GPC6: variants seen among roughly 807,000 people sequenced by gnomAD.
GPC6 encodes glypican-6.
A neutral mutation model predicts 55.2 loss-of-function variants in GPC6; 14 were observed. That is an observed-to-expected ratio of 0.25 (90% CI 0.17 to 0.40). The LOEUF (loss-of-function observed/expected upper bound fraction) is 0.40, where lower values mean the gene tolerates loss of function less well. Ranked by LOEUF, GPC6 falls within the 10% of genes least tolerant of loss-of-function variation. GPC6 has a pLI of 1.00. For synonymous variants in GPC6, 278 were observed against 259.6 expected, an observed-to-expected ratio of 1.07 and a Z score of -0.68; for missense variants, 641 against 708.5, an observed-to-expected ratio of 0.90 and a Z score of 1.08.
intron 1 of GPC6, among the ~76,000 whole-genome samples, chr13:93,484,080 A>G: frequency 6.6e-6 from 1 of 152,008 alleles, no homozygotes; most frequent in East Asian, 1.9e-4. Flanking sequence ...AAAAGTATTA[A>G]AATTTTGTAA....
intron 4 of GPC6, among the ~76,000 whole-genome samples, chr13:94,278,679 A>T (rs1430334499): frequency 6.6e-6 from 1 of 152,118 alleles, no homozygotes; most frequent in Non-Finnish European, 1.5e-5. Flanking sequence ...CTTTTTCTAC[A>T]TTTATTGAGA....
intron 3 of GPC6, among the ~76,000 whole-genome samples, chr13:93,905,613 A>G (rs2140330944): frequency 6.6e-6 from 1 of 152,372 alleles, no homozygotes; most frequent in East Asian, 1.9e-4. Context: ...TCAGGAGGAT[A>G]GAAGCTAATT....
intron 6 of GPC6, among the ~76,000 whole-genome samples, chr13:94,372,903 A>AC (rs1159819165): frequency 6.6e-6 from 1 of 151,550 alleles, no homozygotes; most frequent in African/African-American, 2.4e-5. Context: ...TGGGTCCCTG[A>AC]CCCCTGACCC....
chr13:93,314,913 G>GT (rs915391215), intron 1 of GPC6, among the ~76,000 whole-genome samples: 3 of 152,050 alleles, frequency 2.0e-5, no homozygotes, highest in Admixed American at 6.6e-5. Flanking sequence ...TTGTTTGTTT[G>GT]TTTTTTGGTA....
chr13:93,929,015 G>A (rs1878012605), intron 3 of GPC6, among the ~76,000 whole-genome samples: 1 of 152,152 alleles, frequency 6.6e-6, no homozygotes, highest in Non-Finnish European at 1.5e-5. Context: ...TGCCAGCAAA[G>A]CTTTCACAAG....
intron 1 of GPC6, among the ~76,000 whole-genome samples, chr13:93,239,535 C>T (rs1343184350): frequency 4.0e-5 from 6 of 151,596 alleles, no homozygotes; most frequent in South Asian, 2.1e-4. Flanking sequence ...TATTGTTTTC[C>T]TGGTTAATCT....
At chr13:93,398,692 CT>C (rs760246345) in intron 1 of GPC6, among the ~76,000 whole-genome samples, 18 of 152,144 alleles carry the variant, frequency 1.2e-4, no homozygotes, top group Admixed American at 1.1e-3. Context: ...ATGCCAGATA[CT>C]TGACATGAAT....
At chr13:93,796,908 C>A (rs1886212869) in intron 2 of GPC6, among the ~76,000 whole-genome samples, 3 of 70,974 alleles carry the variant, frequency 4.2e-5, no homozygotes, top group Non-Finnish European at 8.6e-5. Context: ...TGATGCACAC[C>A]AGTTTCATCC....
intron 1 of GPC6, among the ~76,000 whole-genome samples, chr13:93,507,250 A>C (rs1020761920): frequency 2.0e-5 from 3 of 152,070 alleles, no homozygotes; most frequent in African/African-American, 7.2e-5. Flanking sequence ...AATTAATCAG[A>C]CTTAATAGAT....
chr13:93,970,651 G>C (rs755346697), intron 3 of GPC6, among the ~76,000 whole-genome samples: 51 of 152,174 alleles, frequency 3.4e-4, no homozygotes, highest in Non-Finnish European at 6.2e-4. Context: ...GGTCACTCAT[G>C]TTTATCACCC....
intron 2 of GPC6, among the ~76,000 whole-genome samples, chr13:93,768,842 G>T (rs1459350976): frequency 6.6e-6 from 1 of 151,928 alleles, no homozygotes; most frequent in Admixed American, 6.6e-5. Flanking sequence ...CCTCTTTGGG[G>T]GTCATTTATT....
At chr13:93,314,712 G>GGT (rs370613459) in intron 1 of GPC6, among the ~76,000 whole-genome samples, 3,798 of 147,472 alleles carry the variant, frequency 0.026, 47 homozygotes, top group South Asian at 0.033. Flanking sequence ...AACAAGGAGG[G>GGT]GTGTGTGTGT....
chr13:94,239,498 T>G (rs1489271637), intron 4 of GPC6, among the ~76,000 whole-genome samples: 1 of 152,178 alleles, frequency 6.6e-6, no homozygotes, highest in East Asian at 1.9e-4. Flanking sequence ...AGATGATTCT[T>G]GGAATGATTT....
intron 2 of GPC6, among the ~76,000 whole-genome samples, chr13:93,780,791 C>T (rs1885617981): frequency 6.6e-6 from 1 of 151,964 alleles, no homozygotes; most frequent in African/African-American, 2.4e-5. Context: ...CTTTATGTTT[C>T]TTCATATTTA....
At chr13:93,329,784 T>C (rs1168169121) in intron 1 of GPC6, among the ~76,000 whole-genome samples, 2 of 152,080 alleles carry the variant, frequency 1.3e-5, no homozygotes, top group African/African-American at 2.4e-5. Flanking sequence ...CATGGTCTGT[T>C]TTTTTCCTTT....
At chr13:93,855,389 C>A (rs1201075028) in intron 3 of GPC6, among the ~76,000 whole-genome samples, 1 of 151,504 alleles carries the variant, frequency 6.6e-6, no homozygotes, top group Non-Finnish European at 1.5e-5. Context: ...AATAATATTC[C>A]ATTATCTGGG....
intron 1 of GPC6, among the ~76,000 whole-genome samples, chr13:93,413,912 G>A (rs1456083829): frequency 6.6e-6 from 1 of 152,122 alleles, no homozygotes; most frequent in Non-Finnish European, 1.5e-5. Context: ...TAAAAATCAA[G>A]TTAGTTTAGG....
chr13:94,018,161 C>T (rs1057332922), intron 3 of GPC6, among the ~76,000 whole-genome samples: 2 of 152,080 alleles, frequency 1.3e-5, no homozygotes, highest in African/African-American at 4.8e-5. Flanking sequence ...TTCTTTTCTG[C>T]ATAATTTAGA....
intron 4 of GPC6, among the ~76,000 whole-genome samples, chr13:94,166,703 A>G (rs997140448): frequency 2.6e-5 from 4 of 152,202 alleles, no homozygotes; most frequent in African/African-American, 9.6e-5. Flanking sequence ...ATAATAATAC[A>G]ATACATATTT....
Sources: allele counts gnomAD v4.1 joint callset (sites outside exome capture counted in the v4.1 genomes callset), GRCh38; gene constraint gnomAD v4.1.1; transcripts MANE v1.5; gene names NCBI Gene and HGNC (gene_info 2026-07-23, HGNC 2026-07-21).